The following COL8A1 variants were observed in gnomAD, a reference collection of about 807,000 sequenced individuals.
COL8A1 encodes collagen type VIII alpha 1 chain, also known as collagen alpha-1(VIII) chain.
In COL8A1, 21 loss-of-function variants were observed where a neutral mutation model predicts 42.7. The observed-to-expected ratio is 0.49, with a 90% CI of 0.35 to 0.71. COL8A1 has a LOEUF of 0.71. COL8A1 is among the 30% of genes least tolerant of loss of function. The pLI is 0.01. For synonymous variants in COL8A1, 367 were observed against 369.1 expected, an observed-to-expected ratio of 0.99 and a Z score of 0.06; for missense variants, 788 against 962.4, an observed-to-expected ratio of 0.82 and a Z score of 2.40.
intron 2 of COL8A1, among the ~76,000 whole-genome samples, chr3:99,750,382 C>G (rs1941121314): frequency 6.6e-6 from 1 of 151,830 alleles, no homozygotes; most frequent in South Asian, 2.1e-4. Context: ...TCATGTTTAC[C>G]TAGAATTAAA....
At chr3:99,736,251 C>G (rs1164332088) in intron 1 of COL8A1, among the ~76,000 whole-genome samples, 1 of 152,100 alleles carries the variant, frequency 6.6e-6, no homozygotes, top group African/African-American at 2.4e-5. Flanking sequence ...GTTAGGGTGT[C>G]AATTTTGGAT....
At chr3:99,656,185 T>C (rs1396308642) in intron 1 of COL8A1, among the ~76,000 whole-genome samples, 1 of 152,238 alleles carries the variant, frequency 6.6e-6, no homozygotes, top group African/African-American at 2.4e-5. Context: ...ATTTTAATTA[T>C]CCAAACCGTC....
chr3:99,653,505 C>T (rs748967472), intron 1 of COL8A1, among the ~76,000 whole-genome samples: 11 of 151,892 alleles, frequency 7.2e-5, no homozygotes, highest in Non-Finnish European at 1.3e-4. Flanking sequence ...TTGCACAATG[C>T]CTGTCCAGTT....
chr3:99,790,622 C>T, intron 2 of COL8A1, 58 bp from the exon 3 acceptor site: 2 of 1,430,908 alleles, frequency 1.4e-6, no homozygotes, highest in East Asian at 2.3e-5. Context: ...TCTAAATAAA[C>T]TCAAGTCACT....
At chr3:99,787,278 C>A (rs879604392) in intron 2 of COL8A1, among the ~76,000 whole-genome samples, 1 of 152,132 alleles carries the variant, frequency 6.6e-6, no homozygotes, top group Non-Finnish European at 1.5e-5. Context: ...TGCAGCCCTG[C>A]TCAAATATAG....
At position 99,790,915 on chromosome 3, in the gene COL8A1, A is replaced by C. The variant is rs995920440; in HGVS notation, c.233A>C (p.Gln78Pro). Residue 78 changes from glutamine (Q) to proline (P), a missense_variant, in exon 3 of 4, where the codon CAG (glutamine) becomes CCG (proline). Around this residue, in one of 4 missense-constraint regions of COL8A1, gnomAD observed 421 missense variants for 553.1 expected, o/e 0.76. Transcript: ENST00000652472. ...LAMGKEMPHL[Q>P]YGKEYPHLPQ... The stretch of plus-strand genomic sequence containing the variant: ...ATGGGCAAGGAGATGCCCCACTTGC[A>C]GTATGGCAAAGAGTATCCACACCTA... 33 of 1,614,122 alleles carry C rather than the reference A, an allele frequency of 2.0e-5. No individual in the cohort carries two copies. Among genetic ancestry groups the C allele is most frequent in the Non-Finnish European group, 2.7e-5 (32 of 1,180,036 alleles).
chr3:99,741,858 A>G (rs1022044697), intron 1 of COL8A1, among the ~76,000 whole-genome samples: 2 of 152,190 alleles, frequency 1.3e-5, no homozygotes, highest in South Asian at 2.1e-4. Flanking sequence ...CCCAGATTCA[A>G]TGGGAGAGAA....
chr3:99,773,622 A>G (rs1941621953), intron 2 of COL8A1, among the ~76,000 whole-genome samples: 3 of 151,344 alleles, frequency 2.0e-5, no homozygotes, highest in African/African-American at 4.9e-5. Context: ...TGTTTAATCC[A>G]AAAGGTACTT....
chr3:99,718,284 C>T (rs576570851), intron 1 of COL8A1, among the ~76,000 whole-genome samples: 37 of 152,112 alleles, frequency 2.4e-4, no homozygotes, highest in African/African-American at 7.9e-4. Context: ...ATGGCTTAGG[C>T]TTACCAAATT....
At chr3:99,729,651 T>C (rs764887091) in intron 1 of COL8A1, among the ~76,000 whole-genome samples, 19 of 152,050 alleles carry the variant, frequency 1.2e-4, no homozygotes, top group Non-Finnish European at 2.4e-4. Context: ...GAAATGGATG[T>C]CATAATCCTA....
At chr3:99,747,488 GT>G (rs1941049888) in intron 2 of COL8A1, among the ~76,000 whole-genome samples, 1 of 152,210 alleles carries the variant, frequency 6.6e-6, no homozygotes, top group African/African-American at 2.4e-5. Flanking sequence ...CGGAAAACCT[GT>G]TGAATTGATC....
chr3:99,714,503 T>A (rs943695059), intron 1 of COL8A1, among the ~76,000 whole-genome samples: 8 of 152,114 alleles, frequency 5.3e-5, no homozygotes, highest in Admixed American at 5.2e-4. Context: ...ATGGAATCTA[T>A]CTGAGAAACT....
At chr3:99,668,097 A>T (rs1938421220) in intron 1 of COL8A1, among the ~76,000 whole-genome samples, 1 of 152,110 alleles carries the variant, frequency 6.6e-6, no homozygotes, top group Non-Finnish European at 1.5e-5. Flanking sequence ...TAACACAGCA[A>T]ATTTAAAAAA....
At chr3:99,765,732 G>A (rs1204782765) in intron 2 of COL8A1, among the ~76,000 whole-genome samples, 2 of 151,918 alleles carry the variant, frequency 1.3e-5, no homozygotes, top group Admixed American at 1.3e-4. Flanking sequence ...AACTCCTTTT[G>A]GTCAAATCTA....
intron 1 of COL8A1, among the ~76,000 whole-genome samples, chr3:99,668,525 A>C (rs1938433953): frequency 6.6e-6 from 1 of 152,134 alleles, no homozygotes; most frequent in South Asian, 2.1e-4. Flanking sequence ...CATCTTCTAA[A>C]ACATAATGCC....
chr3:99,754,959 TAG>T (rs1344204328), intron 2 of COL8A1, among the ~76,000 whole-genome samples: 2 of 152,066 alleles, frequency 1.3e-5, no homozygotes, highest in Non-Finnish European at 1.5e-5. Context: ...AAAATAAACA[TAG>T]AGTCAGAGGA....
At chr3:99,731,727 T>A (rs932240250) in intron 1 of COL8A1, among the ~76,000 whole-genome samples, 1 of 152,086 alleles carries the variant, frequency 6.6e-6, no homozygotes, top group South Asian at 2.1e-4. Context: ...GTTCTCAAGA[T>A]CTGACTATGG....
intron 2 of COL8A1, among the ~76,000 whole-genome samples, chr3:99,788,672 G>T (rs1448031115): frequency 1.3e-5 from 2 of 152,074 alleles, no homozygotes; most frequent in Non-Finnish European, 1.5e-5. Context: ...AATAAATGAA[G>T]AACTTAAAGA....
chr3:99,648,932 T>C (rs1373442612), intron 1 of COL8A1, among the ~76,000 whole-genome samples: 1 of 152,102 alleles, frequency 6.6e-6, no homozygotes, highest in Non-Finnish European at 1.5e-5. Context: ...AGAGTATATA[T>C]AGAAATAAAT....
Sources: gnomAD v4.1 joint callset for allele counts (sites outside exome capture counted in the v4.1 genomes callset) on GRCh38, gnomAD v4.1.1 for gene constraint, gnomAD v4.1.1 regional missense constraint, MANE v1.5 for transcripts, NCBI Gene and HGNC (gene_info 2026-07-23, HGNC 2026-07-21) for gene names.